The following GHITM variants were observed in gnomAD, a reference collection of about 807,000 sequenced individuals.
GHITM encodes the protein growth hormone-inducible transmembrane protein.
In GHITM, 24 loss-of-function variants were observed where a neutral mutation model predicts 38.7. That is an observed-to-expected ratio of 0.62 (90% CI 0.45 to 0.87). The LOEUF (loss-of-function observed/expected upper bound fraction) is 0.87, where lower values mean the gene tolerates loss of function less well. Among genes scored for constraint, GHITM ranks in the 40% least tolerant of loss-of-function variants. The pLI, the probability that GHITM is intolerant of heterozygous loss-of-function variation, is 0.00. For synonymous variants in GHITM, 154 were observed against 147.8 expected, an observed-to-expected ratio of 1.04 and a Z score of -0.30; for missense variants, 420 against 429.8, an observed-to-expected ratio of 0.98 and a Z score of 0.20.
chr10:84,144,760 G>C, intron 4 of GHITM, 115 bp from the exon 5 acceptor site: 1 of 580,650 alleles, frequency 1.7e-6, no homozygotes, highest in Admixed American at 3.1e-5. Flanking sequence ...GATAAATGAA[G>C]TGAATAAGAT....
Position 84,153,261 on chromosome 10 carries a change from G to A in GHITM, c.*913G>A, listed in dbSNP as rs567257077. The A allele has an allele frequency of 6.6e-6, 1 of 152,186 alleles. No homozygotes were observed. Among genetic ancestry groups the A allele is most frequent in the South Asian group, 2.1e-4 (1 of 4,818 alleles). 9.4% of individuals were successfully genotyped at this position (152,186 alleles called of 1,614,324 possible). A position where few individuals can be genotyped will look rare whatever the true frequency, so the allele number is the denominator to read the frequency against. On this transcript the variant is annotated 3_prime_UTR_variant, in exon 9 of 9. Coordinates refer to ENST00000372134, the MANE Select transcript of GHITM (RefSeq NM_014394.3). ...TCTTGTCACCTCTTCAAGCTTTCAAGCCTTTATAGAAAAGCTTCTTTGTGG... is the reference window on the plus strand; with the variant it reads ...TCTTGTCACCTCTTCAAGCTTTCAAACCTTTATAGAAAAGCTTCTTTGTGG...
chr10:84,142,636 T>C lies in GHITM; in HGVS notation c.130-19T>C, dbSNP rs1487054541. The C allele has an allele frequency of 1.9e-6, 3 of 1,551,970 alleles. No homozygotes were observed. In the African/African-American group the frequency reaches 4.1e-5, roughly 21 times the overall value. On this transcript the variant is annotated intron_variant, in intron 2 of 8. Transcript: ENST00000372134. The stretch of plus-strand genomic sequence containing the variant: ...GTTTTCATGTGGGTGGTACGTGTCT[T>C]TGTTTGCATGTGTGTCAGGAATATG...
At chr10:84,148,647 T>G in intron 5 of GHITM, 83 bp from the exon 6 acceptor site, 1 of 789,600 alleles carries the variant, frequency 1.3e-6, no homozygotes. Context: ...TTATTAGAAG[T>G]AACTAATTGT....
intron 4 of GHITM, 68 bp downstream of exon 4, chr10:84,144,174 C>T: frequency 1.1e-6 from 1 of 927,892 alleles, no homozygotes; most frequent in Non-Finnish European, 1.8e-6. Context: ...TTCAAATTTT[C>T]TTCTCATTCC....
At chr10:84,149,354 C>T (rs1841587948) in intron 6 of GHITM, among the ~76,000 whole-genome samples, 1 of 152,142 alleles carries the variant, frequency 6.6e-6, no homozygotes, top group South Asian at 2.1e-4. Context: ...ATAACTTGAT[C>T]TAGAAATGTT....
At position 84,141,566 on chromosome 10, in the gene GHITM, C is replaced by A; in HGVS notation, c.66C>A (p.Thr22=). The A allele has an allele frequency of 6.2e-7, 1 of 1,613,236 alleles. No individual in the cohort carries two copies. Among genetic ancestry groups the A allele is most frequent in the Non-Finnish European group, 8.5e-7 (1 of 1,179,138 alleles). The part of the protein sequence containing the change: ...LPSRVFHPAF[T]KASPVVKNSI... ...CTAGGGTTTTCCACCCAGCTTTCAC[C>A]AAGGCCTCCCCTGTTGTGAAGAATT... The change falls in exon 2 of 9, where the codon ACC becomes ACA. Residue 22 remains threonine, a synonymous_variant. Transcript: ENST00000372134.
At chr10:84,148,245 G>A (rs1285893714) in intron 5 of GHITM, among the ~76,000 whole-genome samples, 1 of 151,944 alleles carries the variant, frequency 6.6e-6, no homozygotes, top group African/African-American at 2.4e-5. Context: ...TAAACCCAGA[G>A]CTTTTAATGT....
intron 5 of GHITM, among the ~76,000 whole-genome samples, chr10:84,148,136 G>C (rs1407125729): frequency 1.3e-5 from 2 of 152,148 alleles, no homozygotes; most frequent in Non-Finnish European, 2.9e-5. Flanking sequence ...TAAAAGATGT[G>C]TTGCCAGTTC....
chr10:84,143,300 C>G (rs534131131), intron 3 of GHITM, among the ~76,000 whole-genome samples: 1 of 152,300 alleles, frequency 6.6e-6, no homozygotes, highest in Non-Finnish European at 1.5e-5. Flanking sequence ...AATAATCTTG[C>G]AAAATGTCTT....
Position 84,150,063 on chromosome 10 carries a change from G to A in GHITM, c.601G>A (p.Gly201Ser), listed in dbSNP as rs757880400. 38 of 1,545,842 alleles carry A rather than the reference G, an allele frequency of 2.5e-5. No individual in the cohort carries two copies. The highest frequency in any genetic ancestry group is 3.2e-5 in the Non-Finnish European group (37 of 1,140,870). The change falls in exon 7 of 9, where the codon GGT becomes AGT. Residue 201 changes from glycine to serine, a missense_variant. Transcript: ENST00000372134. ...ACTTCCTCTTTCTCCAGGTGTGATG[G>A]GTGCAGTGGTGGCTCCTCTGACAAT... ...LAWLLHSGVMGAVVAPLTILG... is the reference protein window; with the variant it reads ...LAWLLHSGVMSAVVAPLTILG...
chr10:84,150,304 T>C, intron 7 of GHITM, 61 bp downstream of exon 7: 1 of 1,216,474 alleles, frequency 8.2e-7, no homozygotes, highest in Non-Finnish European at 1.1e-6. Flanking sequence ...CCTGAAATAC[T>C]CCAATATCCT....
chr10:84,142,638 G>C lies in GHITM; in HGVS notation c.130-17G>C, dbSNP rs3816716. 0.32 allele frequency: 498,856 copies of C among 1,557,982 alleles called. 84,473 individuals carry two copies. The highest frequency in any genetic ancestry group is 0.36 in the Non-Finnish European group (403,368 of 1,131,760). ...TTTCATGTGGGTGGTACGTGTCTTT[G>C]TTTGCATGTGTGTCAGGAATATGCC... On this transcript the variant is annotated splice_polypyrimidine_tract_variant and intron_variant, in intron 2 of 8. Transcript: ENST00000372134.
intron 5 of GHITM, among the ~76,000 whole-genome samples, chr10:84,145,450 A>G (rs960860628): frequency 6.6e-6 from 1 of 152,226 alleles, no homozygotes; most frequent in Admixed American, 6.5e-5. Context: ...CATGTATTCG[A>G]ATAATACCAG....
chr10:84,150,202 C>T lies in GHITM; in HGVS notation c.740C>T (p.Pro247Leu). 1 of 1,612,738 alleles carries T rather than the reference C, an allele frequency of 6.2e-7. No individual in the cohort carries two copies. Among genetic ancestry groups the T allele is most frequent in the Non-Finnish European group, 8.5e-7 (1 of 1,179,654 alleles). Residue 247 changes from proline (P) to leucine (L), a missense_variant, in exon 7 of 9, where the codon CCC (proline) becomes CTC (leucine). Physicochemically the swap from Pro to Leu is moderately conservative, Grantham distance 98. Transcript: ENST00000372134. ...PSEKFLNMGA[P>L]LGVGLGLVFV... ...GAAAAGTTTCTGAACATGGGTGCAC[C>T]CCTGGGAGTGGGCCTGGGTCTCGTC... is the stretch of plus-strand genomic sequence containing the variant.
At chr10:84,151,959 C>T (rs1841616776) in intron 8 of GHITM, among the ~76,000 whole-genome samples, 1 of 151,882 alleles carries the variant, frequency 6.6e-6, no homozygotes, top group African/African-American at 2.4e-5. Flanking sequence ...TTTCTTTGGT[C>T]TTGTTTTGAT....
intron 1 of GHITM, among the ~76,000 whole-genome samples, chr10:84,141,215 A>G (rs1048436321): frequency 6.6e-6 from 1 of 152,234 alleles, no homozygotes; most frequent in African/African-American, 2.4e-5. Flanking sequence ...TTGATTGGTC[A>G]AACTGGGACT....
intron 1 of GHITM, chr10:84,140,040 A>G (rs918820830): frequency 6.6e-6 from 1 of 152,234 alleles, no homozygotes; most frequent in Non-Finnish European, 1.5e-5. Flanking sequence ...TAGGGTCGGT[A>G]GTATTTTCCC....
chr10:84,146,777 A>AC (rs1841560181), intron 5 of GHITM, among the ~76,000 whole-genome samples: 1 of 152,238 alleles, frequency 6.6e-6, no homozygotes, highest in South Asian at 2.1e-4. Flanking sequence ...GCAAAAGATT[A>AC]CCCTCTTCCA....
chr10:84,144,965 A>G lies in GHITM; in HGVS notation c.432A>G (p.Ala144=). ...GTTTAACAGCTTTGTCTGCCATAGC[A>G]ATCAGCAGAACGCCTGTTCTCATGA... ...SIGLTALSAI[A]ISRTPVLMNF... Residue 144 remains alanine (A), a synonymous_variant, in exon 5 of 9, where the codon GCA becomes GCG. Coordinates refer to ENST00000372134, the MANE Select transcript of GHITM (RefSeq NM_014394.3). The G allele has an allele frequency of 1.2e-6, 2 of 1,612,350 alleles. No homozygotes were observed. Among genetic ancestry groups the G allele is most frequent in the Non-Finnish European group, 1.7e-6 (2 of 1,178,582 alleles).
Sources: allele counts gnomAD v4.1 joint callset (sites outside exome capture counted in the v4.1 genomes callset), GRCh38; gene constraint gnomAD v4.1.1; transcripts MANE v1.5; gene names NCBI Gene and HGNC (gene_info 2026-07-23, HGNC 2026-07-21).